Variants in AMPH observed in about 807,000 individuals in gnomAD.
AMPH encodes amphiphysin (Stiff-Mann syndrome with breast cancer 128kD autoantigen).
A neutral mutation model predicts 99.1 loss-of-function variants in AMPH; 49 were observed. The ratio of observed to expected loss-of-function variants is 0.49; its 90% CI spans 0.39 to 0.63. The LOEUF is 0.63. AMPH is among the 20% of genes least tolerant of loss of function. The probability of loss-of-function intolerance (pLI) is 0.00; values close to 1 mark genes in which losing one functional copy is unlikely to be tolerated. For synonymous variants in AMPH, 314 were observed against 317.3 expected, an observed-to-expected ratio of 0.99 and a Z score of 0.11; for missense variants, 759 against 863.4, an observed-to-expected ratio of 0.88 and a Z score of 1.52.
At chr7:38,432,262 A>T (rs1402485918) in intron 12 of AMPH, 50 bp from the exon 13 acceptor site, 1 of 1,530,072 alleles carries the variant, frequency 6.5e-7, no homozygotes, top group Non-Finnish European at 9.0e-7. Flanking sequence ...TCTAAAACAT[A>T]AAAAAATGCT....
intron 19 of AMPH, among the ~76,000 whole-genome samples, chr7:38,391,011 GAGA>G (rs1562721136): frequency 3.3e-5 from 2 of 60,532 alleles, no homozygotes; most frequent in African/African-American, 9.8e-5. Context: ...GAGAGAGAGA[GAGA>G]GAATGATACA....
intron 1 of AMPH, among the ~76,000 whole-genome samples, chr7:38,558,610 C>A (rs1004645222): frequency 1.3e-5 from 2 of 152,146 alleles, no homozygotes; most frequent in Non-Finnish European, 2.9e-5. Flanking sequence ...TTAGTAAACA[C>A]CTGGTTAAGA....
chr7:38,615,882 G>A (rs1200149893), intron 1 of AMPH, among the ~76,000 whole-genome samples: 1 of 152,186 alleles, frequency 6.6e-6, no homozygotes, highest in East Asian at 1.9e-4. Flanking sequence ...TGTCAGTGCA[G>A]CCAGATGGCA....
intron 16 of AMPH, among the ~76,000 whole-genome samples, chr7:38,419,783 T>C (rs983755051): frequency 1.3e-5 from 2 of 152,168 alleles, no homozygotes; most frequent in Admixed American, 1.3e-4. Context: ...GTCTACTCTA[T>C]GGAAGAAGTA....
chr7:38,476,111 T>C (rs1788072525), intron 6 of AMPH, among the ~76,000 whole-genome samples: 1 of 152,180 alleles, frequency 6.6e-6, no homozygotes, highest in African/African-American at 2.4e-5. Flanking sequence ...GCTCAGAAAC[T>C]GATGTGTAGT....
chr7:38,474,722 C>T (rs747840769), intron 7 of AMPH, among the ~76,000 whole-genome samples: 5 of 152,298 alleles, frequency 3.3e-5, no homozygotes, highest in Non-Finnish European at 4.4e-5. Flanking sequence ...CATCCAACAA[C>T]TTCTTTGTTC....
chr7:38,460,240 G>A (rs987868522), intron 11 of AMPH, among the ~76,000 whole-genome samples: 22 of 152,114 alleles, frequency 1.4e-4, no homozygotes, highest in African/African-American at 5.1e-4. Flanking sequence ...CAGTGTTGGT[G>A]GGAATAGAAT....
intron 14 of AMPH, chr7:38,429,337 C>G (rs938492951): frequency 5.5e-5 from 71 of 1,288,960 alleles, no homozygotes; most frequent in Non-Finnish European, 7.1e-5. Flanking sequence ...GTGGGCCAGT[C>G]AGCAGACGAA....
intron 1 of AMPH, among the ~76,000 whole-genome samples, chr7:38,565,123 C>CAA (rs35508498): frequency 1.6e-5 from 2 of 125,492 alleles, no homozygotes; most frequent in South Asian, 2.6e-4. Flanking sequence ...GACTCCGTCT[C>CAA]AAAAAAAAAA....
chr7:38,591,290 C>CTTTTTTTTTTTTTT (rs67135369), intron 1 of AMPH, among the ~76,000 whole-genome samples: 1 of 138,746 alleles, frequency 7.2e-6, no homozygotes. Flanking sequence ...TTTTCTTTTT[C>CTTTTTTTTTTTTTT]TTTTTTTTTT....
At chr7:38,590,148 G>A (rs1455871538) in intron 1 of AMPH, among the ~76,000 whole-genome samples, 2 of 144,058 alleles carry the variant, frequency 1.4e-5, no homozygotes, top group African/African-American at 5.4e-5. Flanking sequence ...ATGGAACCTT[G>A]AGCCATGCGG....
chr7:38,571,552 A>G lies in AMPH; in HGVS notation c.70-36541T>C, dbSNP rs1276886794. 8.5e-5 allele frequency among the ~76,000 whole-genome samples: 12 copies of G among 141,462 alleles called. No individual in the cohort carries two copies. The East Asian group carries it at 1.8e-3, about 21-fold the overall frequency. 92.8% of individuals were successfully genotyped at this position (141,462 alleles called of 152,430 possible). ...ATATATATATTCTGTATAAATATAT[A>G]TATTTATACTTATACATAAATTTAA... On this transcript the variant is annotated intron_variant, in intron 1 of 20. Transcript: ENST00000356264.
intron 5 of AMPH, among the ~76,000 whole-genome samples, chr7:38,482,828 G>A (rs1383055562): frequency 2.0e-5 from 3 of 152,084 alleles, no homozygotes; most frequent in African/African-American, 7.2e-5. Flanking sequence ...TTGCTTTTAA[G>A]GAGATTAAAT....
Position 38,534,972 on chromosome 7 carries a change from C to G in AMPH, c.109G>C (p.Glu37Gln). ...KLGKADETKD[E>Q]QFEEYVQNFK... is the part of the protein sequence containing the mutation. The stretch of plus-strand genomic sequence containing the variant: ...TTCTGGACATATTCTTCGAACTGTT[C>G]GTCTTTTGTCTCATCAGCTTTCCCC... The change falls in exon 2 of 21, where the codon GAA becomes CAA. Residue 37 changes from glutamate to glutamine, a missense_variant. Transcript: ENST00000356264. 3 of 1,614,076 alleles carry G rather than the reference C, an allele frequency of 1.9e-6. No individual in the cohort carries two copies. Among genetic ancestry groups the G allele is most frequent in the Non-Finnish European group, 2.5e-6 (3 of 1,180,006 alleles).
rs772237201 is a variant in AMPH at position 38,631,365 on chromosome 7, G to A, written c.-14C>T. 37 of 1,542,628 alleles carry A rather than the reference G, an allele frequency of 2.4e-5. No homozygotes were observed. The highest frequency in any genetic ancestry group is 3.1e-5 in the Non-Finnish European group (35 of 1,145,788). On this transcript the variant is annotated 5_prime_UTR_variant, in exon 1 of 21. Transcript: ENST00000356264. ...GATGTCGGCCATGGCTGCGGGTCCG[G>A]GGAGCTGCGAAGAGCAGAGCGCGCA... is the stretch of plus-strand genomic sequence containing the variant.
At chr7:38,424,151 G>A (rs916278809) in intron 15 of AMPH, among the ~76,000 whole-genome samples, 20 of 152,286 alleles carry the variant, frequency 1.3e-4, no homozygotes, top group African/African-American at 4.8e-4. Context: ...TGACTTCAGT[G>A]GCTCCCCAAC....
chr7:38,528,237 T>A (rs575960236), intron 2 of AMPH, among the ~76,000 whole-genome samples: 3 of 152,312 alleles, frequency 2.0e-5, no homozygotes, highest in Middle Eastern at 3.4e-3. Flanking sequence ...GGTTTTGGTA[T>A]CAAGGTAATA....
chr7:38,547,830 T>A (rs1791042482), intron 1 of AMPH, among the ~76,000 whole-genome samples: 1 of 152,092 alleles, frequency 6.6e-6, no homozygotes, highest in Non-Finnish European at 1.5e-5. Flanking sequence ...GACAAACAGT[T>A]GCATTCTTTT....
At position 38,394,339 on chromosome 7, in the gene AMPH, C is replaced by G. The variant is rs931698621; in HGVS notation, c.1399-125G>C. 5.0e-6 allele frequency: 5 copies of G among 997,880 alleles called. No homozygotes were observed. In the East Asian group the frequency reaches 1.0e-4, roughly 21 times the overall value. 61.8% of individuals were successfully genotyped at this position (997,880 alleles called of 1,614,324 possible). On this transcript the variant is annotated intron_variant, in intron 17 of 20. Transcript: ENST00000356264. ...TCAGATTTGGAACATTCTTTGCACT[C>G]CCAGGATTTAGGTACAGCAGAATCT...
Sources: allele counts gnomAD v4.1 joint callset (sites outside exome capture counted in the v4.1 genomes callset), GRCh38; gene constraint gnomAD v4.1.1; transcripts MANE v1.5; gene names NCBI Gene and HGNC (gene_info 2026-07-23, HGNC 2026-07-21).